Variants in PCDHGA2 observed in about 807,000 individuals in gnomAD.
PCDHGA2 encodes the protein protocadherin gamma subfamily A, 2, also known as protocadherin gamma-A2.
Under a neutral mutation model 59.2 loss-of-function variants are expected in PCDHGA2, and 40 were observed. The ratio of observed to expected loss-of-function variants is 0.68; its 90% CI spans 0.52 to 0.88. The LOEUF (loss-of-function observed/expected upper bound fraction) is 0.88, where lower values mean the gene tolerates loss of function less well. PCDHGA2 is among the 40% of genes least tolerant of loss of function. The pLI, the probability that PCDHGA2 is intolerant of heterozygous loss-of-function variation, is 0.00. For missense variants in PCDHGA2, 1,226 were observed against 1,204.0 expected (o/e 1.02, Z -0.27); for synonymous variants, 560 against 526.0 (o/e 1.06, Z -0.89).
At chr5:141,344,950 G>T in intron 1 of PCDHGA2, 1 of 1,613,844 alleles carries the variant, frequency 6.2e-7, no homozygotes, top group Non-Finnish European at 8.5e-7. Flanking sequence ...ATATTAAAAA[G>T]TCTAGATTAT....
chr5:141,420,465 A>G, intron 1 of PCDHGA2: 1 of 807,604 alleles, frequency 1.2e-6, no homozygotes. Context: ...ATTCAAAGAC[A>G]TTTTAAAGCA....
rs541533867 is a variant in PCDHGA2 at position 141,415,164 on chromosome 5, G to T, written c.2424+73769G>T. 6.8e-6 allele frequency: 11 copies of T among 1,613,838 alleles called. No individual in the cohort carries two copies. The African/African-American group carries it at 1.3e-4, about 20-fold the overall frequency. Reference sequence around the variant, plus strand: ...AGCCCCCTCTCTCCGCCACTGTCACGCTCACCGTGGCCGTGGCCGACAGCA... The same window carrying T: ...AGCCCCCTCTCTCCGCCACTGTCACTCTCACCGTGGCCGTGGCCGACAGCA... On this transcript the variant is annotated intron_variant, in intron 1 of 3. Transcript: ENST00000394576.
chr5:141,388,384 T>G, intron 1 of PCDHGA2: 3 of 1,614,014 alleles, frequency 1.9e-6, no homozygotes, highest in Non-Finnish European at 2.5e-6. Context: ...AGCAACACAC[T>G]GCAGAATTAC....
intron 1 of PCDHGA2, among the ~76,000 whole-genome samples, chr5:141,457,029 C>G (rs2098904194): frequency 6.6e-6 from 1 of 152,170 alleles, no homozygotes; most frequent in Non-Finnish European, 1.5e-5. Flanking sequence ...TCCTAGTAGA[C>G]TCAGTGATAG....
At chr5:141,361,005 C>T (rs371836659) in intron 1 of PCDHGA2, 3 of 1,613,186 alleles carry the variant, frequency 1.9e-6, no homozygotes, top group Non-Finnish European at 2.5e-6. Context: ...AAGTGAAACA[C>T]TTTTTCAACT....
At chr5:141,357,440 G>A (rs939127168) in intron 1 of PCDHGA2, 6 of 1,614,198 alleles carry the variant, frequency 3.7e-6, no homozygotes, top group South Asian at 1.1e-5. Context: ...GACGGGGTTC[G>A]GGCTTTCCTG....
chr5:141,364,166 C>A, intron 1 of PCDHGA2: 2 of 715,060 alleles, frequency 2.8e-6, no homozygotes, highest in Non-Finnish European at 4.1e-6. Context: ...AGAGGCGACC[C>A]GACTCTGCTC....
intron 1 of PCDHGA2, among the ~76,000 whole-genome samples, chr5:141,446,065 G>T (rs1285093512): frequency 2.0e-5 from 3 of 152,306 alleles, no homozygotes; most frequent in African/African-American, 7.2e-5. Flanking sequence ...GATTAAAGGG[G>T]AGGCAGTGGA....
chr5:141,409,007 C>T, intron 1 of PCDHGA2: 1 of 1,613,932 alleles, frequency 6.2e-7, no homozygotes, highest in Non-Finnish European at 8.5e-7. Context: ...AGCCACTGAC[C>T]AGGATGAGGG....
At chr5:141,355,185 C>G (rs1431983846) in intron 1 of PCDHGA2, 1 of 1,588,764 alleles carries the variant, frequency 6.3e-7, no homozygotes. Flanking sequence ...ACAGGCGACT[C>G]CGCGGCGGGG....
chr5:141,407,548 G>A (rs2094952527), intron 1 of PCDHGA2, among the ~76,000 whole-genome samples: 1 of 151,388 alleles, frequency 6.6e-6, no homozygotes, highest in Non-Finnish European at 1.5e-5. Context: ...GTAACAGATT[G>A]TAGAACATAA....
At chr5:141,461,082 T>C (rs2099008648) in intron 1 of PCDHGA2, among the ~76,000 whole-genome samples, 1 of 152,070 alleles carries the variant, frequency 6.6e-6, no homozygotes, top group South Asian at 2.1e-4. Flanking sequence ...AATTGTGAAT[T>C]GTGCTGCTAT....
At chr5:141,494,991 G>A in intron 2 of PCDHGA2, 126 bp downstream of exon 2, 1 of 1,551,148 alleles carries the variant, frequency 6.4e-7, no homozygotes, top group Non-Finnish European at 8.7e-7. Context: ...AGATCCCAGG[G>A]AGGTCTTGGT....
chr5:141,428,388 C>A, intron 1 of PCDHGA2: 1 of 506,160 alleles, frequency 2.0e-6, no homozygotes, highest in African/African-American at 1.9e-5. Flanking sequence ...GCTCTTCCAG[C>A]CCCTCTGCCT....
intron 1 of PCDHGA2, chr5:141,371,397 A>G: frequency 6.2e-7 from 1 of 1,614,004 alleles, no homozygotes; most frequent in Non-Finnish European, 8.5e-7. Flanking sequence ...TAAAGTACAG[A>G]TAGATATTTC....
intron 1 of PCDHGA2, chr5:141,415,641 T>TAA (rs113784532): frequency 8.4e-5 from 108 of 1,280,644 alleles, no homozygotes; most frequent in African/African-American, 8.0e-4. Flanking sequence ...TTACTTTTGT[T>TAA]AAAAAAAAAA....
chr5:141,427,109 C>A lies in PCDHGA2; in HGVS notation c.2425-67698C>A, dbSNP rs141512367. On this transcript the variant is annotated intron_variant, in intron 1 of 3. Coordinates refer to ENST00000394576, the MANE Select transcript of PCDHGA2 (RefSeq NM_018915.4). ...AGGATGAGGGTGTCAATGCGGAGAT[C>A]ACCTACTCTTTCAAATCCCTACGAG... 1,737 of 457,784 alleles carry A rather than the reference C, an allele frequency of 3.8e-3. 17 individuals carry two copies. Among genetic ancestry groups the A allele is most frequent in the Admixed American group, 0.01 (426 of 42,600 alleles). 28.4% of individuals were successfully genotyped at this position (457,784 alleles called of 1,614,324 possible). A position where few individuals can be genotyped will look rare whatever the true frequency, so the allele number is the denominator to read the frequency against.
intron 1 of PCDHGA2, chr5:141,371,956 A>C: frequency 6.2e-7 from 1 of 1,613,272 alleles, no homozygotes; most frequent in Non-Finnish European, 8.5e-7. Flanking sequence ...CGAGCCTTCG[A>C]CCACGAGCAG....
chr5:141,489,040 C>G lies in PCDHGA2; in HGVS notation c.2425-5767C>G. On this transcript the variant is annotated intron_variant, in intron 1 of 3. Coordinates refer to ENST00000394576, the MANE Select transcript of PCDHGA2 (RefSeq NM_018915.4). This position sits in a 1 kb window ranked among gnomAD's most constrained non-coding sequence, Gnocchi z 4.5. ...CCTCTCCTCCTCCAGCTCCCCAGCT[C>G]CACTCAAATTCAGCTCCCCTCCCCC... 1 of 479,752 alleles carries G rather than the reference C, an allele frequency of 2.1e-6. No homozygotes were observed. The highest frequency in any genetic ancestry group is 3.6e-6 in the Non-Finnish European group (1 of 274,204). 29.7% of individuals were successfully genotyped at this position (479,752 alleles called of 1,614,324 possible). A position where few individuals can be genotyped will look rare whatever the true frequency, so the allele number is the denominator to read the frequency against.
Sources: allele counts gnomAD v4.1 joint callset (sites outside exome capture counted in the v4.1 genomes callset), GRCh38; gene constraint gnomAD v4.1.1; non-coding constraint Gnocchi (gnomAD v3.1); transcripts MANE v1.5; gene names NCBI Gene and HGNC (gene_info 2026-07-23, HGNC 2026-07-21).